ITSN2: variants seen among roughly 807,000 people sequenced by gnomAD.
ITSN2 encodes the protein intersectin 2.
Under a neutral mutation model 243.7 loss-of-function variants are expected in ITSN2, and 156 were observed. The ratio of observed to expected loss-of-function variants is 0.64; its 90% confidence interval spans 0.56 to 0.73. The LOEUF (loss-of-function observed/expected upper bound fraction) is 0.73. Ranked by LOEUF, ITSN2 falls within the 30% of genes least tolerant of loss-of-function variation. ITSN2 has a pLI of 0.00. For missense variants in ITSN2, 1,801 were observed against 1,996.1 expected, an observed-to-expected ratio of 0.90 and a Z score of 1.86; for synonymous variants, 703 against 699.9, an observed-to-expected ratio of 1.00 and a Z score of -0.07.
chr2:24,338,065 G>A (rs2151894052), intron 1 of ITSN2, among the ~76,000 whole-genome samples: 1 of 152,182 alleles, frequency 6.6e-6, no homozygotes, highest in African/African-American at 2.4e-5. Flanking sequence ...ATGGGAAGTG[G>A]GGTTCAGACA....
intron 29 of ITSN2, among the ~76,000 whole-genome samples, chr2:24,224,315 G>A (rs2543667): frequency 0.98 from 149,181 of 152,356 alleles, 73,036 homozygotes; most frequent in East Asian, 0.99. Context: ...TTGAAGTTAA[G>A]TGTGCTCATT....
At chr2:24,306,027 T>C (rs1399370157) in intron 8 of ITSN2, among the ~76,000 whole-genome samples, 1 of 152,212 alleles carries the variant, frequency 6.6e-6, no homozygotes, top group Admixed American at 6.5e-5. Context: ...TCACCCAGGC[T>C]GGAGTGCAGT....
intron 30 of ITSN2, 43 bp downstream of exon 30, chr2:24,220,902 G>C (rs771684515): frequency 6.4e-7 from 1 of 1,558,202 alleles, no homozygotes; most frequent in South Asian, 1.2e-5. Context: ...TCTCATGAGA[G>C]ACAGCAGATA....
intron 1 of ITSN2, chr2:24,330,738 C>A: frequency 3.5e-6 from 2 of 568,996 alleles, no homozygotes; most frequent in South Asian, 1.6e-5. Flanking sequence ...TATTTTTTAT[C>A]AAGTTTTATA....
At chr2:24,213,558 T>C (rs1669695629) in intron 32 of ITSN2, among the ~76,000 whole-genome samples, 1 of 152,232 alleles carries the variant, frequency 6.6e-6, no homozygotes, top group African/African-American at 2.4e-5. Flanking sequence ...CTTATTTCCA[T>C]ATTTTCTGAG....
At chr2:24,310,048 A>C (rs1471993246) in intron 7 of ITSN2, among the ~76,000 whole-genome samples, 2 of 152,176 alleles carry the variant, frequency 1.3e-5, no homozygotes, top group African/African-American at 4.8e-5. Flanking sequence ...AAAATATAGA[A>C]TATTTTTAGT....
In ITSN2 at chr2:24,310,274, C is replaced by T; in HGVS notation, c.653+10G>A. 6.4e-7 allele frequency: 1 copy of T among 1,556,118 alleles called. No individual in the cohort carries two copies. Among genetic ancestry groups the T allele is most frequent in the Non-Finnish European group, 8.8e-7 (1 of 1,136,382 alleles). On this transcript the variant is annotated intron_variant, in intron 7 of 39. Transcript: ENST00000355123. ...AAGCATAAAAAGTTGTCAGAGTTAGCTATTCATACCTACTAGATCCTAAAT... is the reference window on the plus strand; with the variant it reads ...AAGCATAAAAAGTTGTCAGAGTTAGTTATTCATACCTACTAGATCCTAAAT...
intron 1 of ITSN2, among the ~76,000 whole-genome samples, chr2:24,331,133 G>A (rs1354908221): frequency 6.0e-5 from 9 of 148,772 alleles, no homozygotes; most frequent in African/African-American, 1.5e-4. Flanking sequence ...ATGCAATGGC[G>A]CGATCTTGGC....
intron 1 of ITSN2, among the ~76,000 whole-genome samples, chr2:24,355,619 C>T (rs1291145703): frequency 6.6e-6 from 1 of 152,230 alleles, no homozygotes; most frequent in Non-Finnish European, 1.5e-5. Flanking sequence ...AAATCCAAAA[C>T]CATAAAACCC....
chr2:24,305,612 C>T (rs1163091536), intron 8 of ITSN2, among the ~76,000 whole-genome samples: 1 of 144,312 alleles, frequency 6.9e-6, no homozygotes, highest in Non-Finnish European at 1.5e-5. Flanking sequence ...GGATCACCAA[C>T]TCCTACACTT....
intron 37 of ITSN2, 125 bp from the exon 38 acceptor site, chr2:24,205,422 A>G (rs1668765408): frequency 1.3e-6 from 1 of 750,912 alleles, no homozygotes; most frequent in Non-Finnish European, 2.3e-6. Flanking sequence ...CCAACAGCCC[A>G]GCATCTGGCT....
rs1327975291 is a variant in ITSN2 at position 24,334,802 on chromosome 2, G to A, written c.-33-6687C>T. 46 of 1,268,018 alleles carry A rather than the reference G, an allele frequency of 3.6e-5. No individual in the cohort carries two copies. The African/African-American group carries it at 4.6e-4, about 13-fold the overall frequency. The allele number at this position is 1,268,018 out of a possible 1,614,324, so 78.5% of individuals were successfully genotyped here. On this transcript the variant is annotated intron_variant, in intron 1 of 39. Coordinates refer to ENST00000355123, the MANE Select transcript of ITSN2 (RefSeq NM_006277.3). The stretch of plus-strand genomic sequence containing the variant: ...GCATTGGCCGGGCGCGGTGGCTCAC[G>A]CCTGTAATCCCAGCACTTTGGGAGG...
intron 29 of ITSN2, among the ~76,000 whole-genome samples, chr2:24,237,687 C>A (rs1012857178): frequency 6.6e-6 from 1 of 152,090 alleles, no homozygotes; most frequent in Non-Finnish European, 1.5e-5. Flanking sequence ...ACTTTTCCAC[C>A]GACACTCATA....
chr2:24,298,981 A>G lies in ITSN2; in HGVS notation c.1345-167T>C, dbSNP rs975792570. Among the ~76,000 whole-genome samples, 8 of 151,924 alleles carry G rather than the reference A, an allele frequency of 5.3e-5. No individual in the cohort carries two copies. In the East Asian group the frequency reaches 1.5e-3, roughly 29 times the overall value. On this transcript the variant is annotated intron_variant, in intron 12 of 39. Transcript: ENST00000355123. The stretch of plus-strand genomic sequence containing the variant: ...TTATTAATGGGCTTAAAGACTTCCA[A>G]GAAAGTGGCTTCATCTATCATATTT...
chr2:24,358,060 C>T (rs2255521), intron 1 of ITSN2, among the ~76,000 whole-genome samples: 148,925 of 152,292 alleles, frequency 0.98, 72,813 homozygotes, highest in East Asian at 0.99. Flanking sequence ...ACTACAGGCG[C>T]ACGCCACCAT....
intron 20 of ITSN2, among the ~76,000 whole-genome samples, chr2:24,267,470 T>A (rs967428053): frequency 5.3e-5 from 8 of 151,796 alleles, no homozygotes; most frequent in Non-Finnish European, 1.2e-4. Context: ...TGTACATACA[T>A]ACATACACAC....
intron 25 of ITSN2, among the ~76,000 whole-genome samples, chr2:24,250,504 G>C (rs944170474): frequency 1.3e-5 from 2 of 152,206 alleles, no homozygotes; most frequent in Admixed American, 1.3e-4. Context: ...ACTGTGTAAT[G>C]AAATGTGTCC....
rs1685680444 is a variant in ITSN2 at position 24,330,669 on chromosome 2, A to T, written c.-33-2554T>A. On this transcript the variant is annotated intron_variant, in intron 1 of 39. Coordinates refer to ENST00000355123, the MANE Select transcript of ITSN2 (RefSeq NM_006277.3). ...GAAAGCTGAAAGTGCTGGAGATGCC[A>T]AGTGAAGTGTGTGTATTTTTTATAA... 16 of 724,310 alleles carry T rather than the reference A, an allele frequency of 2.2e-5. No homozygotes were observed. The Middle Eastern group carries it at 1.2e-3, about 53-fold the overall frequency. The allele number at this position is 724,310 out of a possible 1,614,324, so 44.9% of individuals were successfully genotyped here. A position where few individuals can be genotyped will look rare whatever the true frequency, so the allele number is the denominator to read the frequency against.
intron 39 of ITSN2, 45 bp from the exon 40 acceptor site, chr2:24,203,828 A>C: frequency 6.4e-7 from 1 of 1,557,870 alleles, no homozygotes; most frequent in Non-Finnish European, 8.7e-7. Flanking sequence ...CTTCTTTATA[A>C]AATCATTAAA....
Sources: gnomAD v4.1 joint callset for allele counts (sites outside exome capture counted in the v4.1 genomes callset) on GRCh38, gnomAD v4.1.1 for gene constraint, MANE v1.5 for transcripts, NCBI Gene and HGNC (gene_info 2026-07-23, HGNC 2026-07-21) for gene names.